Variants in PRMT8 observed in about 807,000 individuals in gnomAD.
PRMT8 encodes protein arginine N-methyltransferase 8.
A neutral mutation model predicts 47.1 loss-of-function variants in PRMT8; 7 were observed. That is an observed-to-expected ratio of 0.15 (90% CI 0.08 to 0.28). The LOEUF is 0.28. PRMT8 is among the 10% of genes least tolerant of loss of function. The pLI is 1.00. For missense variants in PRMT8, 237 were observed against 505.4 expected, an observed-to-expected ratio of 0.47 and a Z score of 5.09; for synonymous variants, 188 against 186.5, an observed-to-expected ratio of 1.01 and a Z score of -0.07.
At chr12:3,573,316 A>T (rs983121165) in intron 6 of PRMT8, among the ~76,000 whole-genome samples, 2 of 152,172 alleles carry the variant, frequency 1.3e-5, no homozygotes, top group African/African-American at 2.4e-5. Context: ...TTCGATTTCT[A>T]ACATTTCCAC....
At chr12:3,473,151 C>G (rs1242610944) in intron 1 of PRMT8, among the ~76,000 whole-genome samples, 1 of 152,170 alleles carries the variant, frequency 6.6e-6, no homozygotes, top group Non-Finnish European at 1.5e-5. Context: ...GAAAGCATCA[C>G]CTGCATGCAC....
intron 1 of PRMT8, among the ~76,000 whole-genome samples, chr12:3,536,646 G>A (rs961775480): frequency 6.6e-6 from 1 of 152,214 alleles, no homozygotes; most frequent in African/African-American, 2.4e-5. Flanking sequence ...GATCTGCACA[G>A]CTTCCTGAGC....
chr12:3,485,015 GA>G, intron 1 of PRMT8, among the ~76,000 whole-genome samples: 1 of 152,300 alleles, frequency 6.6e-6, no homozygotes, highest in East Asian at 1.9e-4. Context: ...GGAAGGAAAG[GA>G]AAGAGAGGGT....
chr12:3,525,478 A>G (rs935276761), intron 1 of PRMT8, among the ~76,000 whole-genome samples: 2 of 152,186 alleles, frequency 1.3e-5, no homozygotes, highest in African/African-American at 4.8e-5. Context: ...TCCATTTAGC[A>G]TATGGCCTTC....
At chr12:3,433,987 A>T (rs983740565) in intron 1 of PRMT8, among the ~76,000 whole-genome samples, 1 of 152,186 alleles carries the variant, frequency 6.6e-6, no homozygotes, top group Non-Finnish European at 1.5e-5. Flanking sequence ...GAGCACAGAC[A>T]TTCACAAAAA....
chr12:3,387,563 T>A (rs1864154375), intron 1 of PRMT8, among the ~76,000 whole-genome samples: 1 of 152,218 alleles, frequency 6.6e-6, no homozygotes, highest in Non-Finnish European at 1.5e-5. Context: ...ATAAACATGT[T>A]TAGATTTTAA....
chr12:3,540,806 G>A lies in PRMT8; in HGVS notation c.261+15G>A. ...GGATCCACGAGGTAAAGTGTCCCGA[G>A]TGGGTGGCTAATGGGGCGAGGCTGA... On this transcript the variant is annotated intron_variant, in intron 2 of 9. Transcript: ENST00000382622. 6.2e-7 allele frequency: 1 copy of A among 1,611,246 alleles called. No homozygotes were observed. The highest frequency in any genetic ancestry group is 2.2e-5 in the East Asian group (1 of 44,876).
intron 1 of PRMT8, among the ~76,000 whole-genome samples, chr12:3,413,905 CACCATTT>C: frequency 6.6e-6 from 1 of 152,232 alleles, no homozygotes; most frequent in East Asian, 1.9e-4. Context: ...GCAAATACAA[CACCATTT>C]TATATAAGGG....
At chr12:3,464,915 T>C (rs1865077050) in intron 1 of PRMT8, among the ~76,000 whole-genome samples, 1 of 151,940 alleles carries the variant, frequency 6.6e-6, no homozygotes, top group African/African-American at 2.4e-5. Flanking sequence ...ACCTGAGGTC[T>C]GGAGTTCCAG....
intron 1 of PRMT8, among the ~76,000 whole-genome samples, chr12:3,530,229 G>A (rs1866008313): frequency 6.6e-6 from 1 of 152,124 alleles, no homozygotes; most frequent in African/African-American, 2.4e-5. Context: ...TGATCACATG[G>A]TGGGAAAGGG....
chr12:3,440,464 C>CAAAACA (rs140986852), intron 1 of PRMT8, among the ~76,000 whole-genome samples: 4 of 148,284 alleles, frequency 2.7e-5, no homozygotes, highest in South Asian at 2.2e-4. Flanking sequence ...TCCGTCAAAA[C>CAAAACA]AAACAAAACA....
At chr12:3,433,467 T>C (rs148532598) in intron 1 of PRMT8, among the ~76,000 whole-genome samples, 1 of 151,544 alleles carries the variant, frequency 6.6e-6, no homozygotes, top group African/African-American at 2.4e-5. Context: ...GTGTAGATAC[T>C]CCTACTGTCT....
In PRMT8 at chr12:3,593,925, A is replaced by T. The variant is rs779680128; in HGVS notation, c.*743A>T. Reference sequence around the variant, plus strand: ...TGGACTGTGGCTCTGAACCTTGAGCATAGTACCACGGACTCCGTGGGCGCT... The same window carrying T: ...TGGACTGTGGCTCTGAACCTTGAGCTTAGTACCACGGACTCCGTGGGCGCT... On this transcript the variant is annotated 3_prime_UTR_variant, in exon 10 of 10. Coordinates refer to ENST00000382622, the MANE Select transcript of PRMT8 (RefSeq NM_019854.5). This position sits in a 1 kb window ranked among gnomAD's most constrained non-coding sequence, Gnocchi z 4.8. The T allele has an allele frequency of 6.5e-6, 1 of 152,876 alleles. No homozygotes were observed. The allele number at this position is 152,876 out of a possible 1,614,324, so 9.5% of individuals were successfully genotyped here. A position where few individuals can be genotyped will look rare whatever the true frequency, so the allele number is the denominator to read the frequency against.
At chr12:3,399,100 T>C (rs1438119520) in intron 1 of PRMT8, among the ~76,000 whole-genome samples, 1 of 152,194 alleles carries the variant, frequency 6.6e-6, no homozygotes, top group African/African-American at 2.4e-5. Context: ...CTAAGTTAAC[T>C]GAAAGGGCTC....
At chr12:3,398,079 C>G (rs921939086) in intron 1 of PRMT8, among the ~76,000 whole-genome samples, 2 of 152,150 alleles carry the variant, frequency 1.3e-5, no homozygotes, top group African/African-American at 4.8e-5. Flanking sequence ...GCACGGTGCG[C>G]GCACCCACTG....
intron 1 of PRMT8, among the ~76,000 whole-genome samples, chr12:3,534,033 G>A (rs1306754134): frequency 3.9e-5 from 6 of 152,220 alleles, no homozygotes; most frequent in Admixed American, 2.6e-4. Flanking sequence ...GGGCTGGCAC[G>A]AAGGTGGGCA....
At chr12:3,424,423 A>G (rs1864579317) in intron 1 of PRMT8, among the ~76,000 whole-genome samples, 1 of 152,190 alleles carries the variant, frequency 6.6e-6, no homozygotes, top group African/African-American at 2.4e-5. Flanking sequence ...CAGAGTCCTA[A>G]TTCGTGACAA....
intron 1 of PRMT8, among the ~76,000 whole-genome samples, chr12:3,430,181 T>TG (rs957643309): frequency 3.4e-4 from 52 of 152,316 alleles, no homozygotes; most frequent in African/African-American, 1.1e-3. Flanking sequence ...GATATGTGAC[T>TG]GGGGGCTGCA....
chr12:3,404,388 A>T (rs1392979455), intron 1 of PRMT8, among the ~76,000 whole-genome samples: 1 of 152,216 alleles, frequency 6.6e-6, no homozygotes, highest in Non-Finnish European at 1.5e-5. Context: ...TAACTAAAAA[A>T]CATATTTAAT....
Sources: gnomAD v4.1 joint callset for allele counts (sites outside exome capture counted in the v4.1 genomes callset) on GRCh38, gnomAD v4.1.1 for gene constraint, Gnocchi (gnomAD v3.1) non-coding constraint, MANE v1.5 for transcripts, NCBI Gene and HGNC (gene_info 2026-07-23, HGNC 2026-07-21) for gene names.